Variants in CYLD observed in about 807,000 individuals in gnomAD.
The protein encoded by CYLD is CYLD lysine 63 deubiquitinase.
Under a neutral mutation model 104.5 loss-of-function variants are expected in CYLD, and 26 were observed. The ratio of observed to expected loss-of-function variants is 0.25; its 90% CI spans 0.18 to 0.35. The LOEUF (loss-of-function observed/expected upper bound fraction) is 0.35, where lower values mean the gene tolerates loss of function less well. Ranked by LOEUF, CYLD falls within the 10% of genes least tolerant of loss-of-function variation. The pLI is 1.00. For synonymous variants in CYLD, 385 were observed against 399.9 expected (o/e 0.96, Z 0.45); for missense variants, 703 against 1,136.1 (o/e 0.62, Z 5.48).
chr16:50,742,881 AG>A (rs1965831345), intron 2 of CYLD, 40 bp downstream of exon 2: 4 of 15,716 alleles, frequency 2.5e-4, no homozygotes, highest in Non-Finnish European at 3.1e-4. Context: ...TTAACAATCG[AG>A]GGGGGTGGGG....
rs372439005 is a variant in CYLD at position 50,776,129 on chromosome 16, C to T, written c.923-50C>T. On this transcript the variant is annotated intron_variant, in intron 6 of 18. Transcript: ENST00000427738. ...TTTGTTACTGTCATTCCTTGTTTCT[C>T]TTCTATAAGAATTTGCCTTTATCTT... is the stretch of plus-strand genomic sequence containing the variant. 34 of 1,297,232 alleles carry T rather than the reference C, an allele frequency of 2.6e-5. No individual in the cohort carries two copies. In the African/African-American group the frequency reaches 3.9e-4, roughly 15 times the overall value. The allele number at this position is 1,297,232 out of a possible 1,614,324, so 80.4% of individuals were successfully genotyped here. A position where few individuals can be genotyped will look rare whatever the true frequency, so the allele number is the denominator to read the frequency against.
chr16:50,763,234 T>C (rs1235350115), intron 5 of CYLD, among the ~76,000 whole-genome samples: 1 of 152,228 alleles, frequency 6.6e-6, no homozygotes, highest in East Asian at 1.9e-4. Flanking sequence ...TAATATTCCA[T>C]TGTATGGACA....
intron 4 of CYLD, 39 bp downstream of exon 4, chr16:50,751,945 T>TAA: frequency 2.2e-6 from 2 of 907,604 alleles, no homozygotes; most frequent in Non-Finnish European, 3.2e-6. Context: ...GTGATATATA[T>TAA]ATTAGTTTAT....
chr16:50,781,120 C>G, intron 9 of CYLD, 126 bp from the exon 10 acceptor site: 1 of 982,414 alleles, frequency 1.0e-6, no homozygotes, highest in Non-Finnish European at 1.6e-6. Context: ...ATGAGGTTCT[C>G]AGTACAGGTG....
intron 2 of CYLD, 44 bp from the exon 3 acceptor site, chr16:50,749,532 T>C (rs1428705451): frequency 6.0e-6 from 4 of 666,384 alleles, no homozygotes; most frequent in Non-Finnish European, 7.6e-6. Context: ...TAAAGTTTAT[T>C]TTTGCTTTTT....
intron 12 of CYLD, chr16:50,784,780 C>A (rs995196230): frequency 1.8e-5 from 5 of 277,926 alleles, no homozygotes; most frequent in Middle Eastern, 1.3e-3. Flanking sequence ...ATAGTTTATT[C>A]CAACACTTCT....
chr16:50,782,352 T>C lies in CYLD; in HGVS notation c.1712T>C (p.Val571Ala). 6.2e-7 allele frequency: 1 copy of C among 1,612,252 alleles called. No individual in the cohort carries two copies. Among genetic ancestry groups the C allele is most frequent in the Non-Finnish European group, 8.5e-7 (1 of 1,178,456 alleles). Reference protein sequence around the residue: ...LAFGGYLSEVVEENTPPKMEK... With the variant: ...LAFGGYLSEVAEENTPPKMEK... ...TTTGGAGGCTACTTAAGTGAAGTAG[T>C]AGAAGAAAATACTCCACCAAAAATG... The change falls in exon 11 of 19, where the codon GTA (valine) becomes GCA (alanine). Residue 571 changes from valine to alanine, a missense_variant. Transcript: ENST00000427738.
rs369789110 is a variant in CYLD, at chr16:50,780,008, A to G, written c.1482A>G (p.Pro494=). The G allele has an allele frequency of 3.8e-5, 61 of 1,614,002 alleles. 1 individual carries two copies. In the Middle Eastern group the frequency reaches 1.2e-3, roughly 30 times the overall value. Residue 494 remains proline, a synonymous_variant, in exon 9 of 19, where the codon CCA becomes CCG. Coordinates refer to ENST00000427738, the MANE Select transcript of CYLD (RefSeq NM_001378743.1). The stretch of plus-strand genomic sequence containing the variant: ...GGGTAATCCGTTGGATCGGTCAGCC[A>G]CCAGGACTGAATGAAGTGCTCGCTG... ...FYGVIRWIGQ[P]PGLNEVLAGL...
At chr16:50,755,340 T>C (rs1967094252) in intron 5 of CYLD, among the ~76,000 whole-genome samples, 1 of 152,108 alleles carries the variant, frequency 6.6e-6, no homozygotes, top group East Asian at 1.9e-4. Flanking sequence ...GCTGTAAACG[T>C]GCATGTGCAA....
chr16:50,773,109 C>T (rs961347572), intron 5 of CYLD, among the ~76,000 whole-genome samples: 1 of 152,138 alleles, frequency 6.6e-6, no homozygotes, highest in African/African-American at 2.4e-5. Context: ...ATGTTAAATT[C>T]TCATTTGAGT....
At position 50,779,947 on chromosome 16, in the gene CYLD, C is replaced by T; in HGVS notation, c.1421C>T (p.Ser474Leu). The T allele has an allele frequency of 6.2e-7, 1 of 1,613,986 alleles. No homozygotes were observed. The highest frequency in any genetic ancestry group is 1.1e-5 in the South Asian group (1 of 91,070). ...PGNSHGLEVG[S>L]LAEVKENPPF... ...AACTCACATGGTCTAGAAGTGGGCT[C>T]ATTGGCTGAAGTTAAGGAGAACCCT... The change falls in exon 9 of 19, where the codon TCA becomes TTA. Residue 474 changes from serine (S) to leucine (L), a missense_variant. This residue lies in a region of CYLD where 183 missense variants were observed against 212.1 expected (regional missense o/e 0.86). Coordinates refer to ENST00000427738, the MANE Select transcript of CYLD (RefSeq NM_001378743.1).
rs566429620 is a variant in CYLD at position 50,753,532 on chromosome 16, T to G, written c.808-787T>G. 3.2e-4 allele frequency among the ~76,000 whole-genome samples: 49 copies of G among 152,370 alleles called. 1 individual carries two copies. The highest frequency in any genetic ancestry group is 1.2e-3 in the African/African-American group (49 of 41,594). ...GCCTCCATCTGTCCCATAGCTGACTTGTGCAGATATTCATTCCAAACACTT... is the reference window on the plus strand; with the variant it reads ...GCCTCCATCTGTCCCATAGCTGACTGGTGCAGATATTCATTCCAAACACTT... On this transcript the variant is annotated intron_variant, in intron 4 of 18. Transcript: ENST00000427738.
Position 50,794,606 on chromosome 16 carries a change from A to G in CYLD, c.2686+178A>G. The G allele has an allele frequency of 1.5e-6, 1 of 669,434 alleles. No individual in the cohort carries two copies. The highest frequency in any genetic ancestry group is 2.6e-6 in the Non-Finnish European group (1 of 382,702). 41.5% of individuals were successfully genotyped at this position (669,434 alleles called of 1,614,324 possible). On this transcript the variant is annotated intron_variant, in intron 18 of 18. Coordinates refer to ENST00000427738, the MANE Select transcript of CYLD (RefSeq NM_001378743.1). This position sits in a 1 kb window ranked among gnomAD's most constrained non-coding sequence, Gnocchi z 4.1. ...AACAACCTTGCTAGCTGAACTAAGG[A>G]ATAATATGCTGTGTTTTTTTTTTTC...
chr16:50,765,440 C>T (rs1303558618), intron 5 of CYLD, among the ~76,000 whole-genome samples: 4 of 152,290 alleles, frequency 2.6e-5, no homozygotes, highest in South Asian at 2.1e-4. Context: ...GCCTCTGTCT[C>T]TCTCACTCCT....
chr16:50,781,482 T>A, intron 10 of CYLD, 71 bp downstream of exon 10: 1 of 1,532,992 alleles, frequency 6.5e-7, no homozygotes, highest in South Asian at 1.1e-5. Flanking sequence ...CATGTTATAT[T>A]AGGTGATGGT....
intron 5 of CYLD, among the ~76,000 whole-genome samples, chr16:50,764,350 T>C (rs1416104936): frequency 5.3e-5 from 8 of 152,208 alleles, no homozygotes. Flanking sequence ...CCTTTAACAT[T>C]TGTTTGTTTT....
chr16:50,751,371 A>G (rs1319462007), intron 3 of CYLD, among the ~76,000 whole-genome samples: 2 of 152,208 alleles, frequency 1.3e-5, no homozygotes, highest in Non-Finnish European at 2.9e-5. Flanking sequence ...TAGCTTTCTC[A>G]TGATAGAGTT....
intron 2 of CYLD, among the ~76,000 whole-genome samples, chr16:50,745,104 T>C (rs1229343052): frequency 3.9e-5 from 6 of 152,220 alleles, no homozygotes; most frequent in African/African-American, 1.4e-4. Context: ...TGAAGTAAGA[T>C]AGTATTTAGA....
At chr16:50,775,120 T>C in intron 5 of CYLD, 46 bp from the exon 6 acceptor site, 2 of 1,565,780 alleles carry the variant, frequency 1.3e-6, no homozygotes, top group East Asian at 2.2e-5. Context: ...TCTTTCTTTC[T>C]GTCCTCAAAT....
Sources: gnomAD v4.1 joint callset for allele counts (sites outside exome capture counted in the v4.1 genomes callset) on GRCh38, gnomAD v4.1.1 for gene constraint, gnomAD v4.1.1 regional missense constraint, Gnocchi (gnomAD v3.1) non-coding constraint, MANE v1.5 for transcripts, NCBI Gene and HGNC (gene_info 2026-07-23, HGNC 2026-07-21) for gene names.